UNC5C: variants seen among roughly 807,000 people sequenced by gnomAD.
UNC5C encodes netrin receptor UNC5C.
A neutral mutation model predicts 99.8 loss-of-function variants in UNC5C; 47 were observed. That is an observed-to-expected ratio of 0.47 (90% CI 0.37 to 0.60). UNC5C has a LOEUF of 0.60. UNC5C is among the 20% of genes least tolerant of loss of function. UNC5C has a pLI of 0.00. For synonymous variants in UNC5C, 487 were observed against 452.2 expected, an observed-to-expected ratio of 1.08 and a Z score of -0.98; for missense variants, 1,062 against 1,165.9, an observed-to-expected ratio of 0.91 and a Z score of 1.30.
intron 12 of UNC5C, among the ~76,000 whole-genome samples, chr4:95,187,898 A>C (rs1419175441): frequency 6.6e-6 from 1 of 152,202 alleles, no homozygotes; most frequent in Non-Finnish European, 1.5e-5. Flanking sequence ...CTGGGGAAAG[A>C]CAAACTGCCC....
At chr4:95,467,197 C>A (rs1240760626) in intron 1 of UNC5C, among the ~76,000 whole-genome samples, 1 of 152,184 alleles carries the variant, frequency 6.6e-6, no homozygotes, top group Non-Finnish European at 1.5e-5. Flanking sequence ...ATCTAAGCTA[C>A]TCCTAGATTC....
intron 1 of UNC5C, among the ~76,000 whole-genome samples, chr4:95,411,287 CA>C (rs111802631): frequency 6.6e-6 from 1 of 151,076 alleles, no homozygotes; most frequent in African/African-American, 2.4e-5. Flanking sequence ...GTCTAGGGGG[CA>C]AAAAAAACCC....
intron 7 of UNC5C, among the ~76,000 whole-genome samples, chr4:95,236,294 G>C (rs1739109167): frequency 6.6e-6 from 1 of 152,088 alleles, no homozygotes. Flanking sequence ...GGACATGGAT[G>C]AAGCTGGAAA....
chr4:95,467,367 C>T (rs1449411284), intron 1 of UNC5C, among the ~76,000 whole-genome samples: 1 of 151,928 alleles, frequency 6.6e-6, no homozygotes, highest in Non-Finnish European at 1.5e-5. Flanking sequence ...TGTGTGTGTG[C>T]AGAGGGAGAG....
At chr4:95,239,258 A>G (rs879576862) in intron 7 of UNC5C, among the ~76,000 whole-genome samples, 12 of 152,332 alleles carry the variant, frequency 7.9e-5, no homozygotes, top group Middle Eastern at 3.4e-3. Context: ...CTAGCACTGT[A>G]TCTTAGATTC....
chr4:95,217,786 A>C (rs1004037825), intron 9 of UNC5C, among the ~76,000 whole-genome samples: 1 of 152,200 alleles, frequency 6.6e-6, no homozygotes, highest in Admixed American at 6.5e-5. Context: ...GAAGAACCTT[A>C]AAGTATGTTT....
intron 1 of UNC5C, among the ~76,000 whole-genome samples, chr4:95,495,502 T>C (rs1721607599): frequency 1.3e-5 from 2 of 151,632 alleles, no homozygotes; most frequent in African/African-American, 2.4e-5. Context: ...GCACATATTA[T>C]AATAAAAAGA....
intron 3 of UNC5C, among the ~76,000 whole-genome samples, chr4:95,288,765 C>T (rs1741335665): frequency 6.6e-6 from 1 of 152,198 alleles, no homozygotes; most frequent in Non-Finnish European, 1.5e-5. Context: ...ACTGCATTCT[C>T]TTCTTCAATC....
chr4:95,409,739 T>C (rs1745927663), intron 1 of UNC5C, among the ~76,000 whole-genome samples: 1 of 152,166 alleles, frequency 6.6e-6, no homozygotes, highest in Admixed American at 6.6e-5. Flanking sequence ...TGCCCACCAT[T>C]CCCTATCTCA....
intron 4 of UNC5C, among the ~76,000 whole-genome samples, chr4:95,277,998 C>T (rs941275332): frequency 6.6e-6 from 1 of 152,192 alleles, no homozygotes; most frequent in Admixed American, 6.5e-5. Context: ...CAAAATAAAG[C>T]AGTATTTCTG....
At chr4:95,479,370 T>A (rs1721064147) in intron 1 of UNC5C, among the ~76,000 whole-genome samples, 1 of 151,958 alleles carries the variant, frequency 6.6e-6, no homozygotes, top group Admixed American at 6.6e-5. Flanking sequence ...ATTGGATAGA[T>A]CCCTGGGCAT....
intron 1 of UNC5C, among the ~76,000 whole-genome samples, chr4:95,359,832 C>T (rs1744331104): frequency 6.6e-6 from 1 of 152,110 alleles, no homozygotes; most frequent in Non-Finnish European, 1.5e-5. Context: ...TAAAGAATAA[C>T]AAATACTTAA....
chr4:95,511,941 A>T (rs1157471542), intron 1 of UNC5C, among the ~76,000 whole-genome samples: 2 of 152,164 alleles, frequency 1.3e-5, no homozygotes, highest in African/African-American at 4.8e-5. Context: ...CTTTGTTCAG[A>T]TCATCTTGTT....
chr4:95,349,386 C>CCCCA (rs1560798611), intron 1 of UNC5C, among the ~76,000 whole-genome samples: 3 of 124,438 alleles, frequency 2.4e-5, no homozygotes. Flanking sequence ...ACACACACAC[C>CCCCA]CACACACACA....
intron 1 of UNC5C, among the ~76,000 whole-genome samples, chr4:95,385,761 C>G (rs1403759895): frequency 6.6e-6 from 1 of 152,096 alleles, no homozygotes; most frequent in African/African-American, 2.4e-5. Context: ...CTGCAAACAT[C>G]TTACACATGT....
intron 1 of UNC5C, among the ~76,000 whole-genome samples, chr4:95,356,207 AAAAAAC>A (rs1744186936): frequency 7.2e-6 from 1 of 138,298 alleles, no homozygotes; most frequent in Non-Finnish European, 1.5e-5. Flanking sequence ...AAAAAAAAAA[AAAAAAC>A]AAAACAAAAA....
intron 3 of UNC5C, among the ~76,000 whole-genome samples, chr4:95,291,202 G>A (rs574957225): frequency 2.0e-5 from 3 of 152,142 alleles, no homozygotes; most frequent in East Asian, 1.9e-4. Context: ...TATTCAAAAT[G>A]CATCTTTAGT....
chr4:95,473,858 A>T (rs1313036295), intron 1 of UNC5C, among the ~76,000 whole-genome samples: 2 of 152,074 alleles, frequency 1.3e-5, no homozygotes, highest in African/African-American at 4.8e-5. Context: ...AGAAGGATGG[A>T]ATTTTGGAAG....
At chr4:95,178,282 G>T (rs1736452831) in intron 14 of UNC5C, among the ~76,000 whole-genome samples, 1 of 152,132 alleles carries the variant, frequency 6.6e-6, no homozygotes, top group Admixed American at 6.5e-5. Flanking sequence ...TCTCTGTCAG[G>T]CAAAGTCCTC....
Sources: gnomAD v4.1 joint callset for allele counts (sites outside exome capture counted in the v4.1 genomes callset) on GRCh38, gnomAD v4.1.1 for gene constraint, MANE v1.5 for transcripts, NCBI Gene and HGNC (gene_info 2026-07-23, HGNC 2026-07-21) for gene names.